Variants in SETD3 observed in about 807,000 individuals in gnomAD.
SETD3 encodes the protein actin-histidine N-methyltransferase.
In SETD3, 19 loss-of-function variants were observed where a neutral mutation model predicts 63.0. The ratio of observed to expected loss-of-function variants is 0.30; its 90% CI spans 0.21 to 0.44. The LOEUF is 0.44. Ranked by LOEUF, SETD3 falls within the 20% of genes least tolerant of loss-of-function variation. SETD3 has a pLI of 1.00. For missense variants in SETD3, 587 were observed against 728.5 expected (o/e 0.81, Z 2.24); for synonymous variants, 286 against 264.1 (o/e 1.08, Z -0.80).
intron 1 of SETD3, among the ~76,000 whole-genome samples, chr14:99,476,154 C>T (rs980586050): frequency 3.9e-5 from 6 of 152,302 alleles, no homozygotes; most frequent in South Asian, 2.1e-4. Context: ...AGAAAGCTGA[C>T]GCTTACGGAG....
rs758590408 is a variant in SETD3, at chr14:99,398,929, C to T, written c.1535G>A (p.Ser512Asn). The T allele has an allele frequency of 6.2e-7, 1 of 1,614,108 alleles. No homozygotes were observed. Among genetic ancestry groups the T allele is most frequent in the South Asian group, 1.1e-5 (1 of 91,088 alleles). The change falls in exon 13 of 13, where the codon AGC becomes AAC. Residue 512 changes from serine to asparagine, a missense_variant. Transcript: ENST00000331768. ...YEESNLGLLE[S>N]SVGDSRLPLV... ...GGGGAGCCTCGAGTCCCCCACGCTG[C>T]TCTCCAACAGCCCAAGGTTACTCTC...
At chr14:99,431,077 C>T (rs1404355878) in intron 6 of SETD3, among the ~76,000 whole-genome samples, 1 of 152,196 alleles carries the variant, frequency 6.6e-6, no homozygotes, top group African/African-American at 2.4e-5. Context: ...AAAGCCCTGC[C>T]CCAGGTCATC....
chr14:99,474,863 T>C (rs1223189422), intron 1 of SETD3, among the ~76,000 whole-genome samples: 3 of 135,882 alleles, frequency 2.2e-5, no homozygotes, highest in Non-Finnish European at 3.2e-5. Context: ...AGCACAGTTG[T>C]TGCTTTTCGC....
intron 6 of SETD3, among the ~76,000 whole-genome samples, chr14:99,449,645 T>C (rs934110562): frequency 6.6e-6 from 1 of 152,158 alleles, no homozygotes; most frequent in Non-Finnish European, 1.5e-5. Context: ...ATTCGACAAC[T>C]AAATGCAATA....
At chr14:99,436,245 C>A (rs1566707586) in intron 6 of SETD3, among the ~76,000 whole-genome samples, 1 of 152,142 alleles carries the variant, frequency 6.6e-6, no homozygotes, top group Non-Finnish European at 1.5e-5. Flanking sequence ...CAAAGCCTAA[C>A]CAGATCACCA....
intron 6 of SETD3, among the ~76,000 whole-genome samples, chr14:99,427,745 C>T (rs926374812): frequency 6.6e-6 from 1 of 152,176 alleles, no homozygotes; most frequent in Non-Finnish European, 1.5e-5. Flanking sequence ...AGATGAGTTC[C>T]CTGCTTTTAA....
At chr14:99,442,050 C>T (rs1056000420) in intron 6 of SETD3, among the ~76,000 whole-genome samples, 16 of 152,154 alleles carry the variant, frequency 1.1e-4, no homozygotes, top group Admixed American at 2.6e-4. Flanking sequence ...GGTGCGCAGA[C>T]GCCCACGGCA....
intron 1 of SETD3, among the ~76,000 whole-genome samples, chr14:99,473,406 A>G (rs1015499542): frequency 3.9e-5 from 6 of 152,128 alleles, no homozygotes; most frequent in East Asian, 1.9e-4. Context: ...TTTTTCAAAC[A>G]CTCTAAATGG....
chr14:99,470,208 C>T (rs1270492931), intron 1 of SETD3, among the ~76,000 whole-genome samples: 11 of 152,166 alleles, frequency 7.2e-5, no homozygotes, highest in Admixed American at 7.2e-4. Context: ...CTTTGAGGCT[C>T]TACCGAAATG....
In SETD3 at chr14:99,438,515, T is replaced by G. The variant is rs191611949; in HGVS notation, c.675+19764A>C. Among the ~76,000 whole-genome samples, 420 of 152,340 alleles carry G rather than the reference T, an allele frequency of 2.8e-3. 1 individual carries two copies. Among genetic ancestry groups the G allele is most frequent in the African/African-American group, 9.4e-3 (390 of 41,576 alleles). ...CTTCAAAACAGAGAAAGGTTAGTAA[T>G]GTCATGTTATAAGCAAGGTAAACTT... On this transcript the variant is annotated intron_variant, in intron 6 of 12. Transcript: ENST00000331768.
chr14:99,480,179 G>T (rs2139833794), intron 1 of SETD3, among the ~76,000 whole-genome samples: 1 of 152,282 alleles, frequency 6.6e-6, no homozygotes, highest in Non-Finnish European at 1.5e-5. Context: ...GGGCACCCTG[G>T]TGGGCACCGA....
intron 1 of SETD3, among the ~76,000 whole-genome samples, chr14:99,476,304 C>T (rs912675452): frequency 1.3e-5 from 2 of 152,204 alleles, no homozygotes; most frequent in African/African-American, 4.8e-5. Flanking sequence ...CAAAGGTTCA[C>T]TGTTATCGCT....
rs934908269 is a variant in SETD3, at chr14:99,462,608, T to A, written c.196+878A>T. ...CTACGCAGAAGAGAAACTAAGGCGC[T>A]ACCCACTTGGTGACAAAGGATTAGC... On this transcript the variant is annotated intron_variant, in intron 3 of 12. Transcript: ENST00000331768. 2.6e-5 allele frequency among the ~76,000 whole-genome samples: 4 copies of A among 152,232 alleles called. No individual in the cohort carries two copies. In the South Asian group the frequency reaches 6.2e-4, roughly 24 times the overall value.
intron 1 of SETD3, among the ~76,000 whole-genome samples, chr14:99,479,807 T>C (rs1896170205): frequency 6.6e-6 from 1 of 152,200 alleles, no homozygotes; most frequent in African/African-American, 2.4e-5. Flanking sequence ...CTTATTTATT[T>C]AGAAAAGCAA....
intron 6 of SETD3, among the ~76,000 whole-genome samples, chr14:99,436,297 A>G (rs1386817721): frequency 6.6e-6 from 1 of 152,156 alleles, no homozygotes; most frequent in Admixed American, 6.5e-5. Context: ...AAAGTTCATC[A>G]AACAGCTTGT....
intron 6 of SETD3, among the ~76,000 whole-genome samples, chr14:99,422,893 G>A (rs778869557): frequency 3.9e-5 from 6 of 152,186 alleles, no homozygotes; most frequent in African/African-American, 7.2e-5. Flanking sequence ...GTGGAGCCCC[G>A]CGGCCCCCAA....
At chr14:99,466,474 A>C (rs563698312) in intron 1 of SETD3, among the ~76,000 whole-genome samples, 1 of 152,360 alleles carries the variant, frequency 6.6e-6, no homozygotes, top group South Asian at 2.1e-4. Context: ...AATGATGAGC[A>C]TATTTTCACA....
At chr14:99,404,159 A>G in intron 11 of SETD3, 66 bp downstream of exon 11, 2 of 1,334,542 alleles carry the variant, frequency 1.5e-6, no homozygotes, top group Middle Eastern at 1.8e-4. Flanking sequence ...CTGAATCCCT[A>G]TGCTTTACAC....
At chr14:99,410,092 C>T in intron 8 of SETD3, 2 of 911,526 alleles carry the variant, frequency 2.2e-6, no homozygotes. Context: ...GAGGCGTAGT[C>T]ATTCCACATA....
Sources: allele counts gnomAD v4.1 joint callset (sites outside exome capture counted in the v4.1 genomes callset), GRCh38; gene constraint gnomAD v4.1.1; transcripts MANE v1.5; gene names NCBI Gene and HGNC (gene_info 2026-07-23, HGNC 2026-07-21).